CNTNAP2: variants seen among roughly 807,000 people sequenced by gnomAD.
The protein encoded by CNTNAP2 is contactin-associated protein-like 2.
In CNTNAP2, 98 loss-of-function variants were observed where a neutral mutation model predicts 155.2. That is an observed-to-expected ratio of 0.63 (90% CI 0.54 to 0.75). The LOEUF is 0.75. Among genes scored for constraint, CNTNAP2 ranks in the 30% least tolerant of loss-of-function variants. CNTNAP2 has a pLI of 0.00. For missense variants in CNTNAP2, 1,727 were observed against 1,688.1 expected (o/e 1.02, Z -0.40); for synonymous variants, 651 against 631.2 (o/e 1.03, Z -0.47).
At chr7:147,698,960 G>A (rs1209542417) in intron 13 of CNTNAP2, among the ~76,000 whole-genome samples, 3 of 152,076 alleles carry the variant, frequency 2.0e-5, no homozygotes, top group Non-Finnish European at 2.9e-5. Flanking sequence ...GAAGGAGTGG[G>A]ACAGATCTTT....
chr7:146,470,336 A>G (rs1247323239), intron 1 of CNTNAP2, among the ~76,000 whole-genome samples: 1 of 152,162 alleles, frequency 6.6e-6, no homozygotes, highest in Non-Finnish European at 1.5e-5. Context: ...TGAGTTCACA[A>G]AGAAAAAATA....
intron 8 of CNTNAP2, among the ~76,000 whole-genome samples, chr7:147,248,428 G>A (rs1031164160): frequency 3.9e-5 from 6 of 152,308 alleles, no homozygotes; most frequent in Middle Eastern, 6.8e-3. Context: ...TGAGTGCAAG[G>A]AGGCAAGTGA....
At chr7:148,249,834 C>T (rs1273626835) in intron 20 of CNTNAP2, among the ~76,000 whole-genome samples, 1 of 152,214 alleles carries the variant, frequency 6.6e-6, no homozygotes, top group African/African-American at 2.4e-5. Context: ...GACCAGCCTC[C>T]CACCTTGCAC....
chr7:147,459,822 A>G (rs1401727031), intron 10 of CNTNAP2, among the ~76,000 whole-genome samples: 1 of 152,192 alleles, frequency 6.6e-6, no homozygotes, highest in East Asian at 1.9e-4. Context: ...ACAGTCGGAA[A>G]CTAGCATTCT....
intron 15 of CNTNAP2, among the ~76,000 whole-genome samples, chr7:148,090,948 A>T (rs1803828044): frequency 6.6e-6 from 1 of 152,132 alleles, no homozygotes; most frequent in African/African-American, 2.4e-5. Flanking sequence ...GGAGACCATT[A>T]TGTTACATAA....
intron 1 of CNTNAP2, among the ~76,000 whole-genome samples, chr7:146,180,307 T>A (rs1419898522): frequency 6.6e-6 from 1 of 151,994 alleles, no homozygotes; most frequent in East Asian, 1.9e-4. Context: ...TTTTCTTTTT[T>A]TCTTTCCTTT....
chr7:147,916,098 G>T lies in CNTNAP2; in HGVS notation c.2255+12377G>T, dbSNP rs77733719. On this transcript the variant is annotated intron_variant, in intron 14 of 23. Transcript: ENST00000361727. ...GGGATGAACTAAAAAACTTCAGGAG[G>T]CTCATCCAGGCAGGTTCCAGATAGC... Among the ~76,000 whole-genome samples, 591 of 152,266 alleles carry T rather than the reference G, an allele frequency of 3.9e-3. 7 individuals carry two copies. Among genetic ancestry groups the T allele is most frequent in the African/African-American group, 0.014 (563 of 41,536 alleles).
At chr7:146,812,849 T>G (rs1296693412) in intron 2 of CNTNAP2, among the ~76,000 whole-genome samples, 1 of 152,212 alleles carries the variant, frequency 6.6e-6, no homozygotes, top group African/African-American at 2.4e-5. Flanking sequence ...CCCTGCTCTG[T>G]GCAGCCTCGG....
At chr7:148,336,733 C>T (rs901086755) in intron 21 of CNTNAP2, among the ~76,000 whole-genome samples, 1 of 152,152 alleles carries the variant, frequency 6.6e-6, no homozygotes, top group African/African-American at 2.4e-5. Flanking sequence ...ACATTTGAAA[C>T]TTACTGGTTT....
At chr7:146,655,239 C>G (rs1799976119) in intron 1 of CNTNAP2, among the ~76,000 whole-genome samples, 1 of 151,518 alleles carries the variant, frequency 6.6e-6, no homozygotes, top group Admixed American at 6.6e-5. Flanking sequence ...ATGGCAAAAC[C>G]CTGTCTCTAC....
rs183322616 is a variant in CNTNAP2 at position 148,087,555 on chromosome 7, G to A, written c.2384-30563G>A. On this transcript the variant is annotated intron_variant, in intron 15 of 23. Transcript: ENST00000361727. Reference sequence around the variant, plus strand: ...TCTCCCTCTCTCTCATCAAATCATCGAAATTTGATCAGCAGGAATCTCTTT... The same window carrying A: ...TCTCCCTCTCTCTCATCAAATCATCAAAATTTGATCAGCAGGAATCTCTTT... Among the ~76,000 whole-genome samples, 18 of 151,998 alleles carry A rather than the reference G, an allele frequency of 1.2e-4. No individual in the cohort carries two copies. In the East Asian group the frequency reaches 1.5e-3, roughly 13 times the overall value.
chr7:146,968,972 A>G (rs1427786655), intron 3 of CNTNAP2, among the ~76,000 whole-genome samples: 1 of 146,412 alleles, frequency 6.8e-6, no homozygotes, highest in Non-Finnish European at 1.5e-5. Context: ...CCCTCTACAC[A>G]CTGCTTTGAA....
In CNTNAP2 at chr7:147,806,686, G is replaced by A. The variant is rs188010351; in HGVS notation, c.2099-96879G>A. On this transcript the variant is annotated intron_variant, in intron 13 of 23. Transcript: ENST00000361727. Reference sequence around the variant, plus strand: ...TCAACCATAAAAAGAATGAAATTCTGTCATTTACAACAATATGGTTGGAAC... The same window carrying A: ...TCAACCATAAAAAGAATGAAATTCTATCATTTACAACAATATGGTTGGAAC... Among the ~76,000 whole-genome samples, 133 of 152,240 alleles carry A rather than the reference G, an allele frequency of 8.7e-4. 2 individuals carry two copies. Among genetic ancestry groups the A allele is most frequent in the Admixed American group, 8.6e-3 (132 of 15,304 alleles).
chr7:147,170,457 G>T (rs1481368158), intron 8 of CNTNAP2, among the ~76,000 whole-genome samples: 2 of 152,228 alleles, frequency 1.3e-5, no homozygotes, highest in East Asian at 3.9e-4. Flanking sequence ...GTTTCTGGCT[G>T]TGGGCTTCCC....
intron 17 of CNTNAP2, among the ~76,000 whole-genome samples, chr7:148,154,952 G>A (rs1037502904): frequency 4.6e-5 from 7 of 150,934 alleles, no homozygotes; most frequent in Non-Finnish European, 1.0e-4. Context: ...AAAAAAAAAT[G>A]TACATCTCAA....
intron 13 of CNTNAP2, among the ~76,000 whole-genome samples, chr7:147,671,309 C>T (rs1436810534): frequency 6.6e-6 from 1 of 152,198 alleles, no homozygotes; most frequent in Non-Finnish European, 1.5e-5. Flanking sequence ...GGAGCTAGTG[C>T]TTTGTAAAGT....
chr7:146,389,095 G>A (rs1406924859), intron 1 of CNTNAP2, among the ~76,000 whole-genome samples: 3 of 152,098 alleles, frequency 2.0e-5, no homozygotes, highest in Non-Finnish European at 4.4e-5. Flanking sequence ...TCCTATCTGT[G>A]GTGAAATAAC....
chr7:146,480,404 T>C (rs1446531064), intron 1 of CNTNAP2, among the ~76,000 whole-genome samples: 1 of 152,038 alleles, frequency 6.6e-6, no homozygotes, highest in Non-Finnish European at 1.5e-5. Flanking sequence ...AAAATTACAA[T>C]GTATATGATT....
At chr7:147,102,946 A>G (rs1397909288) in intron 4 of CNTNAP2, among the ~76,000 whole-genome samples, 2 of 152,174 alleles carry the variant, frequency 1.3e-5, no homozygotes, top group East Asian at 3.9e-4. Context: ...AAAGTAACCT[A>G]ATGTTACCAG....
Sources: gnomAD v4.1 joint callset for allele counts (sites outside exome capture counted in the v4.1 genomes callset) on GRCh38, gnomAD v4.1.1 for gene constraint, MANE v1.5 for transcripts, NCBI Gene and HGNC (gene_info 2026-07-23, HGNC 2026-07-21) for gene names.